Variants in NEGR1 observed in about 807,000 individuals in gnomAD.
NEGR1 encodes the protein neuronal growth regulator 1.
A neutral mutation model predicts 40.9 loss-of-function variants in NEGR1; 10 were observed. That is an observed-to-expected ratio of 0.24 (90% confidence interval 0.15 to 0.42). The LOEUF (loss-of-function observed/expected upper bound fraction) is 0.42, where lower values mean the gene tolerates loss of function less well. Ranked by LOEUF, NEGR1 falls within the 10% of genes least tolerant of loss-of-function variation. NEGR1 has a pLI of 1.00. For missense variants in NEGR1, 352 were observed against 438.9 expected (o/e 0.80, Z 1.77); for synonymous variants, 185 against 166.8 (o/e 1.11, Z -0.84).
At chr1:72,052,306 C>T (rs1045893748) in intron 1 of NEGR1, among the ~76,000 whole-genome samples, 1 of 151,354 alleles carries the variant, frequency 6.6e-6, no homozygotes, top group East Asian at 1.9e-4. Flanking sequence ...GCTGATTTGG[C>T]TTTAAAATTG....
At chr1:72,244,029 G>C (rs1435463888) in intron 1 of NEGR1, among the ~76,000 whole-genome samples, 1 of 151,656 alleles carries the variant, frequency 6.6e-6, no homozygotes, top group Non-Finnish European at 1.5e-5. Context: ...TGATTTTCTA[G>C]TACACCGTAT....
chr1:71,455,266 T>G (rs979891190), intron 6 of NEGR1, among the ~76,000 whole-genome samples: 20 of 152,186 alleles, frequency 1.3e-4, no homozygotes, highest in African/African-American at 4.3e-4. Context: ...TATTATTCGG[T>G]ACATAATACC....
chr1:71,475,047 A>G (rs1309486179), intron 6 of NEGR1, among the ~76,000 whole-genome samples: 1 of 152,058 alleles, frequency 6.6e-6, no homozygotes, highest in Non-Finnish European at 1.5e-5. Flanking sequence ...GGTACATATA[A>G]ACATGGTTAG....
At chr1:72,003,577 G>C (rs749031361) in intron 1 of NEGR1, among the ~76,000 whole-genome samples, 19 of 151,548 alleles carry the variant, frequency 1.3e-4, no homozygotes, top group Non-Finnish European at 2.1e-4. Context: ...TCTAAATGGA[G>C]GAATCTAGGA....
intron 1 of NEGR1, among the ~76,000 whole-genome samples, chr1:72,143,248 G>T (rs942017510): frequency 5.9e-5 from 9 of 151,910 alleles, no homozygotes; most frequent in African/African-American, 1.9e-4. Flanking sequence ...GAAGAACTTT[G>T]TTTATATATG....
chr1:72,048,004 C>G (rs1154909), intron 1 of NEGR1, among the ~76,000 whole-genome samples: 13,401 of 151,522 alleles, frequency 0.088, 781 homozygotes, highest in East Asian at 0.3. Context: ...AAAACAGGAG[C>G]CAGCCAAAAT....
chr1:71,446,538 G>T (rs1646583684), intron 6 of NEGR1, among the ~76,000 whole-genome samples: 1 of 152,130 alleles, frequency 6.6e-6, no homozygotes. Context: ...GTTTTACATA[G>T]ATTATATCCC....
At chr1:71,596,918 T>A (rs1649730468) in intron 5 of NEGR1, among the ~76,000 whole-genome samples, 1 of 152,190 alleles carries the variant, frequency 6.6e-6, no homozygotes. Flanking sequence ...AAATCTTTTA[T>A]CAGACTGGAA....
At chr1:71,919,529 A>G (rs1158156013) in intron 2 of NEGR1, among the ~76,000 whole-genome samples, 2 of 148,908 alleles carry the variant, frequency 1.3e-5, no homozygotes, top group Admixed American at 6.7e-5. Flanking sequence ...AGGAACTTTG[A>G]GAACAGGATA....
Position 71,686,554 on chromosome 1 carries a change from G to A in NEGR1, c.667+11454C>T, listed in dbSNP as rs568576034. 2.0e-5 allele frequency among the ~76,000 whole-genome samples: 3 copies of A among 152,288 alleles called. No individual in the cohort carries two copies. In the South Asian group the frequency reaches 6.2e-4, roughly 32 times the overall value. Reference sequence around the variant, plus strand: ...GTGGGAAGTTTTATAGGCCTTGCCTGGAAGTGGCCCATGTCACTTCTGCTT... The same window carrying A: ...GTGGGAAGTTTTATAGGCCTTGCCTAGAAGTGGCCCATGTCACTTCTGCTT... On this transcript the variant is annotated intron_variant, in intron 4 of 6. Transcript: ENST00000357731.
At chr1:71,746,599 T>C (rs1278537815) in intron 3 of NEGR1, among the ~76,000 whole-genome samples, 1 of 152,050 alleles carries the variant, frequency 6.6e-6, no homozygotes, top group Non-Finnish European at 1.5e-5. Context: ...GGAAATTAGC[T>C]TCCAGCATCA....
intron 1 of NEGR1, among the ~76,000 whole-genome samples, chr1:71,991,781 T>C (rs777691229): frequency 6.6e-6 from 1 of 151,842 alleles, no homozygotes; most frequent in Non-Finnish European, 1.5e-5. Context: ...ATGAGTATAG[T>C]ATTTGTTTGT....
intron 1 of NEGR1, among the ~76,000 whole-genome samples, chr1:71,977,891 T>C (rs1646320884): frequency 6.6e-6 from 1 of 151,804 alleles, no homozygotes; most frequent in South Asian, 2.1e-4. Flanking sequence ...CTAATTTCGC[T>C]CTCTGCCAGA....
chr1:71,883,090 A>G (rs1660625449), intron 2 of NEGR1, among the ~76,000 whole-genome samples: 1 of 152,142 alleles, frequency 6.6e-6, no homozygotes, highest in Non-Finnish European at 1.5e-5. Context: ...TAAAGTATAA[A>G]TCTTTTGGGG....
At chr1:71,894,757 A>G (rs1660918953) in intron 2 of NEGR1, among the ~76,000 whole-genome samples, 1 of 152,174 alleles carries the variant, frequency 6.6e-6, no homozygotes, top group South Asian at 2.1e-4. Flanking sequence ...AAAGTGAGAG[A>G]GAGCTGGGCA....
At chr1:72,256,929 A>C (rs576516157) in intron 1 of NEGR1, among the ~76,000 whole-genome samples, 3 of 147,850 alleles carry the variant, frequency 2.0e-5, no homozygotes, top group Non-Finnish European at 4.4e-5. Context: ...GGCATGGTTA[A>C]CAGAATAGTT....
At chr1:72,103,127 A>G (rs1421692380) in intron 1 of NEGR1, among the ~76,000 whole-genome samples, 1 of 151,960 alleles carries the variant, frequency 6.6e-6, no homozygotes, top group Non-Finnish European at 1.5e-5. Flanking sequence ...ACATCATACC[A>G]TGTGTTTTGT....
chr1:71,499,293 C>A (rs1434925981), intron 6 of NEGR1, among the ~76,000 whole-genome samples: 1 of 151,690 alleles, frequency 6.6e-6, no homozygotes, highest in African/African-American at 2.4e-5. Context: ...GATTATATTT[C>A]AATACATGCT....
intron 2 of NEGR1, among the ~76,000 whole-genome samples, chr1:71,819,859 T>G (rs1570391902): frequency 6.6e-6 from 1 of 152,052 alleles, no homozygotes; most frequent in East Asian, 1.9e-4. Context: ...ACCCTGTAGA[T>G]GAGTATGCTC....
Sources: allele counts gnomAD v4.1 joint callset (sites outside exome capture counted in the v4.1 genomes callset), GRCh38; gene constraint gnomAD v4.1.1; transcripts MANE v1.5; gene names NCBI Gene and HGNC (gene_info 2026-07-23, HGNC 2026-07-21).